The following SLC10A6 variants were observed in gnomAD, a reference collection of about 807,000 sequenced individuals.
SLC10A6 encodes the protein sodium-dependent organic anion transporter.
A neutral mutation model predicts 30.0 loss-of-function variants in SLC10A6; 27 were observed. That is an observed-to-expected ratio of 0.90 (90% CI 0.66 to 1.24). The LOEUF (loss-of-function observed/expected upper bound fraction) is 1.24, where lower values mean the gene tolerates loss of function less well. Among genes scored for constraint, SLC10A6 ranks in the 50% most tolerant of loss-of-function variants. The pLI is 0.00. For synonymous variants in SLC10A6, 166 were observed against 173.8 expected (o/e 0.95, Z 0.36); for missense variants, 439 against 457.0 (o/e 0.96, Z 0.36).
chr4:86,837,310 G>T (rs71605620), intron 1 of SLC10A6, among the ~76,000 whole-genome samples: 1 of 140,858 alleles, frequency 7.1e-6, no homozygotes, highest in Non-Finnish European at 1.5e-5. Context: ...AGGAAGGAAG[G>T]AAGGAAGGAA....
intron 1 of SLC10A6, among the ~76,000 whole-genome samples, chr4:86,839,001 C>T (rs1746248005): frequency 6.6e-6 from 1 of 151,308 alleles, no homozygotes; most frequent in Non-Finnish European, 1.5e-5. Flanking sequence ...GATTGGTGCT[C>T]CTTTCAGAAA....
chr4:86,840,613 T>C (rs189513177), intron 1 of SLC10A6, among the ~76,000 whole-genome samples: 1 of 152,342 alleles, frequency 6.6e-6, no homozygotes, highest in East Asian at 1.9e-4. Context: ...TCTATTAATA[T>C]ATTGAGATGC....
At position 86,848,921 on chromosome 4, in the gene SLC10A6, G is replaced by A; in HGVS notation, c.195C>T (p.Pro65=). 6.2e-7 allele frequency: 1 copy of A among 1,614,164 alleles called. No individual in the cohort carries two copies. Among genetic ancestry groups the A allele is most frequent in the South Asian group, 1.1e-5 (1 of 91,082 alleles). ...IRKLWSHIRR[P]WGIAVGLLCQ... is the part of the protein sequence containing the mutation. ...AGAGCAGTCCCACAGCAATGCCCCA[G>A]GGTCTCCTGATGTGCGACCACAGCT... The change falls in exon 1 of 6, where the codon CCC becomes CCT. Residue 65 remains proline, a synonymous_variant. Coordinates refer to ENST00000273905, the MANE Select transcript of SLC10A6 (RefSeq NM_197965.3).
rs1393732113 is a variant in SLC10A6 at position 86,825,477 on chromosome 4, T to C, written c.862A>G (p.Ser288Gly). The change falls in exon 5 of 6, where the codon AGT becomes GGT. Residue 288 changes from serine to glycine, a missense_variant. Ser to Gly is a moderately conservative substitution (Grantham distance 56, BLOSUM62 0). Coordinates refer to ENST00000273905, the MANE Select transcript of SLC10A6 (RefSeq NM_197965.3). ...FTAEHLVQMLSFPLAYGLFQL... is the reference protein window; with the variant it reads ...FTAEHLVQMLGFPLAYGLFQL... ...AAGAGTCCATAGGCCAGTGGGAAACTCAACATCTGGACCAAGTGCTCAGCA... is the reference window on the plus strand; with the variant it reads ...AAGAGTCCATAGGCCAGTGGGAAACCCAACATCTGGACCAAGTGCTCAGCA... 1.2e-6 allele frequency: 2 copies of C among 1,612,808 alleles called. No individual in the cohort carries two copies. The highest frequency in any genetic ancestry group is 8.5e-7 in the Non-Finnish European group (1 of 1,179,086).
chr4:86,827,910 C>G, intron 4 of SLC10A6, 83 bp downstream of exon 4: 1 of 1,336,324 alleles, frequency 7.5e-7, no homozygotes, highest in East Asian at 2.4e-5. Context: ...CTTCATGTCT[C>G]CTGACACAGG....
intron 3 of SLC10A6, among the ~76,000 whole-genome samples, chr4:86,829,639 G>A (rs1382644290): frequency 2.0e-5 from 3 of 151,198 alleles, no homozygotes; most frequent in African/African-American, 7.3e-5. Flanking sequence ...AGAGCAAATG[G>A]GGAACACTTA....
chr4:86,825,348 G>GA (rs924473594), intron 5 of SLC10A6, 72 bp downstream of exon 5: 69 of 1,450,686 alleles, frequency 4.8e-5, no homozygotes, highest in Middle Eastern at 1.8e-4. Flanking sequence ...AGTTTGGATT[G>GA]AAAAAAAAGT....
Position 86,848,908 on chromosome 4 carries a change from C to T in SLC10A6, c.208G>A (p.Val70Met). The change falls in exon 1 of 6, where the codon GTG becomes ATG. Residue 70 changes from valine to methionine, a missense_variant. Transcript: ENST00000273905. The stretch of plus-strand genomic sequence containing the variant: ...AGCCCAAACTGGCAGAGCAGTCCCA[C>T]AGCAATGCCCCAGGGTCTCCTGATG... ...SHIRRPWGIA[V>M]GLLCQFGLMP... 1.2e-6 allele frequency: 2 copies of T among 1,614,210 alleles called. No individual in the cohort carries two copies. The highest frequency in any genetic ancestry group is 1.7e-6 in the Non-Finnish European group (2 of 1,180,022).
chr4:86,842,882 T>TTCTTTCTTTCTTTC (rs1204833862), intron 1 of SLC10A6, among the ~76,000 whole-genome samples: 3 of 98,792 alleles, frequency 3.0e-5, no homozygotes, highest in Admixed American at 1.3e-4. Context: ...TTCTTTTTTT[T>TTCTTTCTTTCTTTC]TTTGAGATGG....
chr4:86,823,744 G>T lies in SLC10A6; in HGVS notation c.1078C>A (p.Pro360Thr), dbSNP rs1410473460. The T allele has an allele frequency of 1.2e-6, 2 of 1,614,070 alleles. No individual in the cohort carries two copies. Among genetic ancestry groups the T allele is most frequent in the Non-Finnish European group, 1.7e-6 (2 of 1,179,994 alleles). ...TCGAGAGCCCTGTGGCAATCCATTG[G>T]CCCTGGTGGCCCAGGAGTGATGGCA... ...EGAITPGPPG[P>T]MDCHRALEPV... The change falls in exon 6 of 6, where the codon CCA becomes ACA. Residue 360 changes from proline to threonine, a missense_variant. Transcript: ENST00000273905.
At chr4:86,831,324 C>T (rs1038189424) in intron 3 of SLC10A6, among the ~76,000 whole-genome samples, 2 of 152,206 alleles carry the variant, frequency 1.3e-5, no homozygotes, top group African/African-American at 4.8e-5. Flanking sequence ...GCAGCCCTTG[C>T]TCATGTGTAC....
intron 1 of SLC10A6, among the ~76,000 whole-genome samples, 182 bp from the exon 2 acceptor site, chr4:86,833,606 C>A (rs1220764459): frequency 2.0e-5 from 3 of 152,136 alleles, no homozygotes; most frequent in Non-Finnish European, 4.4e-5. Context: ...AAAGAGATTT[C>A]CAGTAGTTCT....
chr4:86,830,284 GCTAC>G (rs1247368891), intron 3 of SLC10A6, among the ~76,000 whole-genome samples: 1 of 152,152 alleles, frequency 6.6e-6, no homozygotes, highest in Non-Finnish European at 1.5e-5. Context: ...TGTAGTGCTA[GCTAC>G]CTCAGAGCTT....
intron 4 of SLC10A6, 90 bp from the exon 5 acceptor site, chr4:86,825,667 A>G (rs558512094): frequency 1.5e-5 from 20 of 1,317,726 alleles, no homozygotes; most frequent in Non-Finnish European, 1.8e-5. Flanking sequence ...ATTAGAAGCT[A>G]TGACCTCAGG....
intron 1 of SLC10A6, among the ~76,000 whole-genome samples, chr4:86,841,593 G>A (rs554803991): frequency 1.3e-5 from 2 of 152,238 alleles, no homozygotes; most frequent in South Asian, 4.1e-4. Flanking sequence ...AAAATAATGA[G>A]ACATATTCAG....
intron 5 of SLC10A6, among the ~76,000 whole-genome samples, chr4:86,825,208 C>T (rs1318797465): frequency 1.3e-5 from 2 of 152,158 alleles, no homozygotes; most frequent in African/African-American, 4.8e-5. Flanking sequence ...ATTATAAGCT[C>T]ATTTTCAGAT....
intron 1 of SLC10A6, among the ~76,000 whole-genome samples, chr4:86,839,449 T>C (rs1467973033): frequency 6.6e-6 from 1 of 152,088 alleles, no homozygotes; most frequent in Non-Finnish European, 1.5e-5. Flanking sequence ...AGGCCCTGTC[T>C]CTAAAAATAA....
intron 1 of SLC10A6, among the ~76,000 whole-genome samples, chr4:86,846,138 T>C (rs1033777852): frequency 6.6e-6 from 1 of 152,244 alleles, no homozygotes; most frequent in African/African-American, 2.4e-5. Context: ...GATTTTTTGT[T>C]GGTATTCAAT....
intron 2 of SLC10A6, 150 bp downstream of exon 2, chr4:86,833,156 G>A (rs1746114126): frequency 1.9e-6 from 1 of 530,382 alleles, no homozygotes; most frequent in Non-Finnish European, 3.3e-6. Flanking sequence ...GACTGAACTG[G>A]TAACAGAATC....
Sources: gnomAD v4.1 joint callset for allele counts (sites outside exome capture counted in the v4.1 genomes callset) on GRCh38, gnomAD v4.1.1 for gene constraint, MANE v1.5 for transcripts, NCBI Gene and HGNC (gene_info 2026-07-23, HGNC 2026-07-21) for gene names.